Variants in REV1 observed in about 807,000 individuals in gnomAD.
REV1 encodes the protein translesion synthesis protein REV1.
Under a neutral mutation model 137.4 loss-of-function variants are expected in REV1, and 42 were observed. The ratio of observed to expected loss-of-function variants is 0.31; its 90% confidence interval spans 0.24 to 0.40. The LOEUF (loss-of-function observed/expected upper bound fraction) is 0.40. Among genes scored for constraint, REV1 ranks in the 10% least tolerant of loss-of-function variants. The pLI is 1.00. For synonymous variants in REV1, 524 were observed against 519.2 expected (o/e 1.01, Z -0.12); for missense variants, 1,282 against 1,490.1 (o/e 0.86, Z 2.30).
intron 4 of REV1, among the ~76,000 whole-genome samples, chr2:99,445,102 CTTT>C (rs1682025610): frequency 6.7e-6 from 1 of 149,878 alleles, no homozygotes; most frequent in Non-Finnish European, 1.5e-5. Flanking sequence ...CTTACTCTTG[CTTT>C]GTCCTACAGC....
intron 11 of REV1, among the ~76,000 whole-genome samples, chr2:99,419,548 G>C (rs1678382780): frequency 6.6e-6 from 1 of 152,152 alleles, no homozygotes; most frequent in Non-Finnish European, 1.5e-5. Context: ...TGTAGGAATT[G>C]AAGGCCATGA....
chr2:99,406,977 C>A (rs1451170369), intron 15 of REV1: 1 of 150,242 alleles, frequency 6.7e-6, no homozygotes, highest in African/African-American at 2.4e-5. Flanking sequence ...GGAGAAATCA[C>A]AATTACGGCT....
intron 3 of REV1, among the ~76,000 whole-genome samples, chr2:99,450,839 C>T (rs539942765): frequency 6.6e-6 from 1 of 152,258 alleles, no homozygotes. Flanking sequence ...ATTTACAACG[C>T]ATCTCAATTT....
intron 1 of REV1, among the ~76,000 whole-genome samples, chr2:99,489,502 C>A (rs1687463748): frequency 1.1e-5 from 1 of 91,820 alleles, no homozygotes; most frequent in African/African-American, 4.4e-5. Context: ...AGGGCCGCTG[C>A]GCCAGGGGTC....
At position 99,474,502 on chromosome 2, in the gene REV1, G is replaced by T. The variant is rs116405846; in HGVS notation, c.-10-9517C>A. On this transcript the variant is annotated intron_variant, in intron 1 of 22. Coordinates refer to ENST00000258428, the MANE Select transcript of REV1 (RefSeq NM_016316.4). ...AACAAAACAGATGCTTCTTCACCAG[G>T]TAATCTAGCAACAGTCTGGATCATA... 7.3e-3 allele frequency among the ~76,000 whole-genome samples: 1,111 copies of T among 152,262 alleles called. 14 individuals are homozygous for T. Among genetic ancestry groups the T allele is most frequent in the African/African-American group, 0.025 (1,043 of 41,538 alleles).
intron 1 of REV1, among the ~76,000 whole-genome samples, chr2:99,466,647 G>C (rs1156723447): frequency 6.6e-6 from 1 of 152,170 alleles, no homozygotes; most frequent in Non-Finnish European, 1.5e-5. Flanking sequence ...ACCCTTAAAA[G>C]ATGCCTAAAA....
chr2:99,448,045 C>T (rs1159010302), intron 4 of REV1, among the ~76,000 whole-genome samples: 2 of 152,130 alleles, frequency 1.3e-5, no homozygotes, highest in Non-Finnish European at 2.9e-5. Context: ...ACTGAACTGC[C>T]GAGTTTGGAA....
At chr2:99,484,534 C>T (rs1686946383) in intron 1 of REV1, among the ~76,000 whole-genome samples, 1 of 152,104 alleles carries the variant, frequency 6.6e-6, no homozygotes, top group Admixed American at 6.6e-5. Flanking sequence ...CCTTTTCAAA[C>T]TATTTACAAA....
intron 1 of REV1, among the ~76,000 whole-genome samples, chr2:99,482,663 T>C (rs1378366574): frequency 6.6e-6 from 1 of 152,126 alleles, no homozygotes; most frequent in African/African-American, 2.4e-5. Flanking sequence ...GTAAAAGCAC[T>C]CTTTAAGATA....
chr2:99,483,769 A>G (rs1686862456), intron 1 of REV1, among the ~76,000 whole-genome samples: 1 of 152,148 alleles, frequency 6.6e-6, no homozygotes, highest in South Asian at 2.1e-4. Flanking sequence ...AATGCAGGGA[A>G]CAGTTTGGTG....
chr2:99,458,592 C>T (rs1222653034), intron 3 of REV1, among the ~76,000 whole-genome samples: 1 of 152,158 alleles, frequency 6.6e-6, no homozygotes, highest in Non-Finnish European at 1.5e-5. Flanking sequence ...TATACTCATA[C>T]AAAAACTCAT....
chr2:99,402,986 T>C lies in REV1; in HGVS notation c.3287A>G (p.Asn1096Ser). The change falls in exon 20 of 23, where the codon AAC becomes AGC. Residue 1096 changes from asparagine to serine, a missense_variant. By Grantham distance (46) the Asn-to-Ser change is conservative. Transcript: ENST00000258428. Reference protein sequence around the residue: ...IQSPLNNKLLNSPAKTLPGAC... With the variant: ...IQSPLNNKLLSSPAKTLPGAC... ...CCCTGGCAGAGTTTTTGCAGGACTGTTAAGCAGCTTGTTATTCAAAGGACT... is the reference window on the plus strand; with the variant it reads ...CCCTGGCAGAGTTTTTGCAGGACTGCTAAGCAGCTTGTTATTCAAAGGACT... The C allele has an allele frequency of 1.2e-6, 2 of 1,614,248 alleles. No homozygotes were observed. Among genetic ancestry groups the C allele is most frequent in the Non-Finnish European group, 8.5e-7 (1 of 1,180,036 alleles).
At chr2:99,459,106 G>C (rs1477064868) in intron 3 of REV1, among the ~76,000 whole-genome samples, 1 of 152,070 alleles carries the variant, frequency 6.6e-6, no homozygotes, top group Non-Finnish European at 1.5e-5. Context: ...TACTCGGGAG[G>C]CTGAGGCAGG....
At chr2:99,445,885 C>T (rs749406001) in intron 4 of REV1, among the ~76,000 whole-genome samples, 27 of 152,168 alleles carry the variant, frequency 1.8e-4, no homozygotes, top group African/African-American at 6.3e-4. Context: ...CACATACTTA[C>T]AAGTGGCAGT....
At chr2:99,456,517 G>A (rs1683556311) in intron 3 of REV1, among the ~76,000 whole-genome samples, 1 of 152,222 alleles carries the variant, frequency 6.6e-6, no homozygotes, top group Non-Finnish European at 1.5e-5. Context: ...TCTGAATGAT[G>A]AAGACCTGAG....
chr2:99,436,129 A>G (rs373197849), intron 6 of REV1, among the ~76,000 whole-genome samples, 188 bp from the exon 7 acceptor site: 2 of 92,994 alleles, frequency 2.2e-5, no homozygotes, highest in African/African-American at 9.3e-5. Flanking sequence ...TAAGTCTCTA[A>G]TTAGTCAAAA....
chr2:99,424,875 C>A (rs1271780785), intron 9 of REV1: 1 of 1,302,838 alleles, frequency 7.7e-7, no homozygotes, highest in Non-Finnish European at 1.0e-6. Context: ...TGGGCAGGAG[C>A]CAGGGTTCCA....
At chr2:99,467,594 A>T (rs1225468205) in intron 1 of REV1, among the ~76,000 whole-genome samples, 1 of 152,208 alleles carries the variant, frequency 6.6e-6, no homozygotes, top group African/African-American at 2.4e-5. Context: ...AGTTTCTGAC[A>T]AACAGTGCTA....
At chr2:99,404,165 A>T (rs1168155260) in intron 18 of REV1, among the ~76,000 whole-genome samples, 1 of 152,190 alleles carries the variant, frequency 6.6e-6, no homozygotes, top group Admixed American at 6.5e-5. Context: ...TGTTGTATTC[A>T]AGTGTGGCCA....
Sources: allele counts gnomAD v4.1 joint callset (sites outside exome capture counted in the v4.1 genomes callset), GRCh38; gene constraint gnomAD v4.1.1; transcripts MANE v1.5; gene names NCBI Gene and HGNC (gene_info 2026-07-23, HGNC 2026-07-21).